The following SHPRH variants were observed in gnomAD, a reference collection of about 807,000 sequenced individuals.
The protein encoded by SHPRH is SNF2 histone linker PHD RING helicase, also known as E3 ubiquitin-protein ligase SHPRH.
Under a neutral mutation model 202.5 loss-of-function variants are expected in SHPRH, and 106 were observed. The observed-to-expected ratio is 0.52, with a 90% CI of 0.45 to 0.62. The LOEUF (loss-of-function observed/expected upper bound fraction) is 0.62. Among genes scored for constraint, SHPRH ranks in the 20% least tolerant of loss-of-function variants. The pLI, the probability that SHPRH is intolerant of heterozygous loss-of-function variation, is 0.00. For synonymous variants in SHPRH, 729 were observed against 686.0 expected, an observed-to-expected ratio of 1.06 and a Z score of -0.98; for missense variants, 1,710 against 2,020.0, an observed-to-expected ratio of 0.85 and a Z score of 2.94.
In SHPRH at chr6:145,954,984, T is replaced by C. The variant is rs1788352453; in HGVS notation, c.339A>G (p.Lys113=). 2 of 1,613,706 alleles carry C rather than the reference T, an allele frequency of 1.2e-6. No homozygotes were observed. The highest frequency in any genetic ancestry group is 1.3e-5 in the African/African-American group (1 of 74,932). Residue 113 remains lysine, a synonymous_variant, in exon 2 of 30, where the codon AAA becomes AAG. Transcript: ENST00000275233. ...GAAGAGTTAATTCTCCTAGAAATGC[T>C]TTCCAGGAATTATCAAAATGATAGG... ...ISPYHFDNSW[K]AFLGELTLQL... is the part of the protein sequence containing the mutation.
chr6:145,943,515 T>C lies in SHPRH; in HGVS notation c.1866A>G (p.Glu622=), dbSNP rs749506943. 4 of 1,613,898 alleles carry C rather than the reference T, an allele frequency of 2.5e-6. No individual in the cohort carries two copies. Among genetic ancestry groups the C allele is most frequent in the Non-Finnish European group, 2.5e-6 (3 of 1,179,946 alleles). The change falls in exon 9 of 30, where the codon GAA becomes GAG. Residue 622 remains glutamate (E), a synonymous_variant. Transcript: ENST00000275233. The part of the protein sequence containing the change: ...VAMSKSTCIS[E]FNQEHETEDC... ...CCTCTGTTTCATGTTCTTGGTTGAA[T>C]TCAGAGATACATGTACTTTTAGACA...
Position 145,947,654 on chromosome 6 carries a change from A to C in SHPRH, c.1062-11T>G, listed in dbSNP as rs972990880. On this transcript the variant is annotated splice_polypyrimidine_tract_variant and intron_variant, in intron 5 of 29. Coordinates refer to ENST00000275233, the MANE Select transcript of SHPRH (RefSeq NM_001042683.3). ...TACTCACGAATGATGCTGAGGAAAAAAACAAGATAAATCACATCATAGGAA... is the reference window on the plus strand; with the variant it reads ...TACTCACGAATGATGCTGAGGAAAACAACAAGATAAATCACATCATAGGAA... 1 of 1,611,516 alleles carries C rather than the reference A, an allele frequency of 6.2e-7. No individual in the cohort carries two copies. The highest frequency in any genetic ancestry group is 8.5e-7 in the Non-Finnish European group (1 of 1,178,610).
At chr6:145,907,112 G>A (rs1783032292) in intron 25 of SHPRH, 1 of 152,004 alleles carries the variant, frequency 6.6e-6, no homozygotes, top group Non-Finnish European at 1.5e-5. Context: ...AGTTCTACTT[G>A]GATGTCTTAG....
chr6:145,910,429 T>A lies in SHPRH; in HGVS notation c.4515+19A>T, dbSNP rs753693872. 1.9e-6 allele frequency: 3 copies of A among 1,611,516 alleles called. No homozygotes were observed. In the South Asian group the frequency reaches 3.3e-5, roughly 18 times the overall value. ...ATATTGCCTTACCTATGCTTCTATG[T>A]GTTCCTGACCTACTTTACCTTCACA... On this transcript the variant is annotated intron_variant, in intron 25 of 29. Coordinates refer to ENST00000275233, the MANE Select transcript of SHPRH (RefSeq NM_001042683.3).
Position 145,943,301 on chromosome 6 carries a change from T to C in SHPRH, c.2080A>G (p.Lys694Glu). The change falls in exon 9 of 30, where the codon AAA becomes GAA. Residue 694 changes from lysine (K) to glutamate (E), a missense_variant. Coordinates refer to ENST00000275233, the MANE Select transcript of SHPRH (RefSeq NM_001042683.3). ...TAAAAAGGCTTGATCTTCAGATTTTTCTCATCATAATTCACACACTTTGCA... is the reference window on the plus strand; with the variant it reads ...TAAAAAGGCTTGATCTTCAGATTTTCCTCATCATAATTCACACACTTTGCA... ...QHAKCVNYDE[K>E]NLKIKPFYCP... 6.2e-7 allele frequency: 1 copy of C among 1,613,852 alleles called. No individual in the cohort carries two copies. Among genetic ancestry groups the C allele is most frequent in the Non-Finnish European group, 8.5e-7 (1 of 1,179,928 alleles).
At chr6:145,889,494 C>G (rs1436416465) in intron 28 of SHPRH, among the ~76,000 whole-genome samples, 1 of 152,040 alleles carries the variant, frequency 6.6e-6, no homozygotes, top group Non-Finnish European at 1.5e-5. Flanking sequence ...TGAGTGCCAA[C>G]GTGACAAGTG....
Position 145,941,615 on chromosome 6 carries a change from A to G in SHPRH, c.2490+8T>C, listed in dbSNP as rs1786785020. 2 of 1,611,826 alleles carry G rather than the reference A, an allele frequency of 1.2e-6. No individual in the cohort carries two copies. The highest frequency in any genetic ancestry group is 3.3e-5 in the Admixed American group (2 of 59,794). On this transcript the variant is annotated splice_region_variant and intron_variant, in intron 10 of 29. Coordinates refer to ENST00000275233, the MANE Select transcript of SHPRH (RefSeq NM_001042683.3). ...CCAGCCCTCAAAAGATTTTGCAGAAACTCTCACTTTTACTGTGGGACACTC... is the reference window on the plus strand; with the variant it reads ...CCAGCCCTCAAAAGATTTTGCAGAAGCTCTCACTTTTACTGTGGGACACTC...
At chr6:145,915,051 C>T (rs1783826759) in intron 23 of SHPRH, among the ~76,000 whole-genome samples, 1 of 148,478 alleles carries the variant, frequency 6.7e-6, no homozygotes, top group Non-Finnish European at 1.5e-5. Flanking sequence ...ATTAAATTAT[C>T]TTAAAATAAT....
At chr6:145,906,041 C>T (rs554164539) in intron 25 of SHPRH, 1 of 152,024 alleles carries the variant, frequency 6.6e-6, no homozygotes, top group Non-Finnish European at 1.5e-5. Flanking sequence ...TCTAAGCATA[C>T]TGGTCTCTCA....
intron 14 of SHPRH, among the ~76,000 whole-genome samples, chr6:145,930,930 G>A (rs1291583298): frequency 2.0e-5 from 3 of 152,042 alleles, no homozygotes; most frequent in Admixed American, 6.6e-5. Context: ...TTTCTCTAGT[G>A]ATAAAGTAAC....
intron 14 of SHPRH, among the ~76,000 whole-genome samples, chr6:145,929,838 T>C (rs1471231367): frequency 6.6e-6 from 1 of 152,056 alleles, no homozygotes; most frequent in Non-Finnish European, 1.5e-5. Flanking sequence ...AGAATTTACA[T>C]TGTGAGCAGG....
At chr6:145,961,272 C>A (rs942331376) in intron 1 of SHPRH, among the ~76,000 whole-genome samples, 4 of 152,152 alleles carry the variant, frequency 2.6e-5, no homozygotes, top group African/African-American at 9.7e-5. Context: ...ATCCTGATGT[C>A]GAGCCAACTA....
Position 145,940,824 on chromosome 6 carries a change from T to TA in SHPRH, c.2491-24dup, listed in dbSNP as rs751522719. The stretch of plus-strand genomic sequence containing the variant: ...AGCCTGATGAGAGGGAAAAATGAAA[T>TA]AAAAATGAAATCCAGAAAACCACAG... On this transcript the variant is annotated intron_variant, in intron 10 of 29. Transcript: ENST00000275233. 18 of 1,611,796 alleles carry TA rather than the reference T, an allele frequency of 1.1e-5. No homozygotes were observed. In the Admixed American group the frequency reaches 3.0e-4, roughly 27 times the overall value.
intron 6 of SHPRH, among the ~76,000 whole-genome samples, chr6:145,946,669 G>A (rs971241147): frequency 6.6e-6 from 1 of 151,922 alleles, no homozygotes; most frequent in Non-Finnish European, 1.5e-5. Flanking sequence ...AAATAGTAAT[G>A]AGTAGGAAAT....
chr6:145,950,528 C>A, intron 3 of SHPRH, 46 bp from the exon 4 acceptor site: 2 of 1,556,108 alleles, frequency 1.3e-6, no homozygotes, highest in Non-Finnish European at 1.8e-6. Context: ...TAGGTTTTTT[C>A]TAACTATAAG....
rs565766045 is a variant in SHPRH at position 145,916,288 on chromosome 6, C to G, written c.4254+1843G>C. 9.2e-5 allele frequency among the ~76,000 whole-genome samples: 14 copies of G among 152,186 alleles called. No individual in the cohort carries two copies. The East Asian group carries it at 2.1e-3, about 23-fold the overall frequency. On this transcript the variant is annotated intron_variant, in intron 23 of 29. Transcript: ENST00000275233. Reference sequence around the variant, plus strand: ...ATCCAAAAATCTGTAATCTAAAACGCTCTAAAATCATAAACTTTTTGAGTG... The same window carrying G: ...ATCCAAAAATCTGTAATCTAAAACGGTCTAAAATCATAAACTTTTTGAGTG...
rs569259244 is a variant in SHPRH at position 145,933,151 on chromosome 6, T to C, written c.3018A>G (p.Thr1006=). 15 of 1,613,932 alleles carry C rather than the reference T, an allele frequency of 9.3e-6. No homozygotes were observed. The highest frequency in any genetic ancestry group is 1.3e-5 in the African/African-American group (1 of 75,038). Reference sequence around the variant, plus strand: ...CAGTTCCACATTTCTTCTGCAAAGATGTCAGCAGCTCTTCCATTGTCATGG... The same window carrying C: ...CAGTTCCACATTTCTTCTGCAAAGACGTCAGCAGCTCTTCCATTGTCATGG... ...KSTMTMEELL[T]SLQKKCGTEC... The change falls in exon 14 of 30, where the codon ACA becomes ACG. Residue 1006 remains threonine (T), a synonymous_variant. Transcript: ENST00000275233.
intron 1 of SHPRH, among the ~76,000 whole-genome samples, chr6:145,958,789 A>G (rs1788763067): frequency 6.6e-6 from 1 of 152,146 alleles, no homozygotes; most frequent in South Asian, 2.1e-4. Flanking sequence ...AAAAATTCCT[A>G]TGGACTAGTG....
chr6:145,864,175 A>G (rs1398677957), downstream of SHPRH: 7 of 184,430 alleles, frequency 3.8e-5, no homozygotes, highest in Admixed American at 2.4e-4. Flanking sequence ...TCTTAGGTCT[A>G]TCATCTATAT....
Sources: gnomAD v4.1 joint callset for allele counts (sites outside exome capture counted in the v4.1 genomes callset) on GRCh38, gnomAD v4.1.1 for gene constraint, MANE v1.5 for transcripts, NCBI Gene and HGNC (gene_info 2026-07-23, HGNC 2026-07-21) for gene names.